The following CSNK2A2IP variants were observed in gnomAD, a reference collection of about 807,000 sequenced individuals.
CSNK2A2IP encodes the protein casein kinase 2 subunit alpha' interacting protein.
At chr3:88,403,267 G>GT in the CSNK2A2IP span, among the ~76,000 whole-genome samples, 2 of 151,970 alleles carry the variant, frequency 1.3e-5, no homozygotes, top group Admixed American at 1.3e-4. Flanking sequence ...TTTTTATTAG[G>GT]TTTTTTGTTC....
the CSNK2A2IP span, among the ~76,000 whole-genome samples, chr3:88,458,141 GTTTTTTTTT>G: frequency 1.6e-4 from 13 of 83,300 alleles, no homozygotes; most frequent in Admixed American, 4.4e-4. Flanking sequence ...TGTAATTGTG[GTTTTTTTTT>G]TTTTTTTTTT....
chr3:88,349,413 G>A, the CSNK2A2IP span, among the ~76,000 whole-genome samples: 13 of 152,078 alleles, frequency 8.5e-5, no homozygotes, highest in East Asian at 1.2e-3. Flanking sequence ...GATTTACTTC[G>A]CTTAGAATAA....
chr3:88,456,549 T>A, the CSNK2A2IP span, among the ~76,000 whole-genome samples: 1 of 152,086 alleles, frequency 6.6e-6, no homozygotes, highest in African/African-American at 2.4e-5. Context: ...TTATTTTGTA[T>A]CCTACAACTT....
the CSNK2A2IP span, among the ~76,000 whole-genome samples, chr3:88,368,033 G>C: frequency 6.6e-6 from 1 of 151,962 alleles, no homozygotes; most frequent in Non-Finnish European, 1.5e-5. Flanking sequence ...AAAAGTATGA[G>C]CTAAACAATG....
chr3:88,369,908 T>A, the CSNK2A2IP span, among the ~76,000 whole-genome samples: 2 of 151,912 alleles, frequency 1.3e-5, no homozygotes, highest in East Asian at 3.9e-4. Context: ...CCTTTAAATC[T>A]GAGCGTAAAC....
chr3:88,358,348 G>A, the CSNK2A2IP span, among the ~76,000 whole-genome samples: 14 of 151,682 alleles, frequency 9.2e-5, no homozygotes, highest in Non-Finnish European at 1.0e-4. Flanking sequence ...TAATTACTTC[G>A]GCTAAGACTT....
the CSNK2A2IP span, among the ~76,000 whole-genome samples, chr3:88,422,642 A>G: frequency 6.6e-6 from 1 of 152,174 alleles, no homozygotes; most frequent in African/African-American, 2.4e-5. Flanking sequence ...CTGATGGTAT[A>G]GTTTCATTGT....
the CSNK2A2IP span, among the ~76,000 whole-genome samples, chr3:88,406,123 A>C: frequency 6.6e-6 from 1 of 152,180 alleles, no homozygotes. Flanking sequence ...ATATATAAAC[A>C]ATTCAAATAG....
At chr3:88,413,308 C>A in the CSNK2A2IP span, among the ~76,000 whole-genome samples, 4 of 151,796 alleles carry the variant, frequency 2.6e-5, no homozygotes, top group Admixed American at 6.6e-5. Flanking sequence ...GAGTCAGTAT[C>A]AAGAAAGACC....
the CSNK2A2IP span, among the ~76,000 whole-genome samples, chr3:88,426,898 G>A: frequency 6.7e-6 from 1 of 149,060 alleles, no homozygotes; most frequent in Non-Finnish European, 1.5e-5. Flanking sequence ...ATGGGGGGGG[G>A]CGGTGGGGTG....
chr3:88,425,876 C>T, the CSNK2A2IP span, among the ~76,000 whole-genome samples: 3 of 152,094 alleles, frequency 2.0e-5, no homozygotes, highest in South Asian at 2.1e-4. Flanking sequence ...ATGTTGCTGG[C>T]GGTAGTAGGC....
chr3:88,379,208 G>C, the CSNK2A2IP span, among the ~76,000 whole-genome samples: 1 of 151,924 alleles, frequency 6.6e-6, no homozygotes, highest in Non-Finnish European at 1.5e-5. Context: ...TTTGCACATG[G>C]AAAGCTCCCC....
chr3:88,350,490 A>C, the CSNK2A2IP span, among the ~76,000 whole-genome samples: 4 of 151,968 alleles, frequency 2.6e-5, no homozygotes, highest in Non-Finnish European at 2.9e-5. Flanking sequence ...AGGGGGAGAA[A>C]AGATGAGAGG....
chr3:88,384,960 G>T, the CSNK2A2IP span, among the ~76,000 whole-genome samples: 2 of 152,158 alleles, frequency 1.3e-5, no homozygotes, highest in Non-Finnish European at 2.9e-5. Context: ...AATTATTTTT[G>T]AGATGACATA....
chr3:88,462,613 T>C, the CSNK2A2IP span, among the ~76,000 whole-genome samples: 1 of 152,202 alleles, frequency 6.6e-6, no homozygotes, highest in South Asian at 2.1e-4. Context: ...AAACAGTGAA[T>C]TAAGATATGG....
the CSNK2A2IP span, among the ~76,000 whole-genome samples, chr3:88,368,873 C>T: frequency 6.6e-6 from 1 of 152,138 alleles, no homozygotes; most frequent in South Asian, 2.1e-4. Flanking sequence ...CAGAAAGTCT[C>T]TTGGAAGAGT....
chr3:88,426,370 A>C, the CSNK2A2IP span, among the ~76,000 whole-genome samples: 1 of 152,348 alleles, frequency 6.6e-6, no homozygotes, highest in African/African-American at 2.4e-5. Flanking sequence ...TCCAGGAACT[A>C]GCAATCAATA....
the CSNK2A2IP span, chr3:88,466,336 A>T: frequency 1.1e-5 from 14 of 1,231,692 alleles, no homozygotes; most frequent in African/African-American, 2.0e-4. Flanking sequence ...GTCAATGTTT[A>T]TGCTTGATTG....
the CSNK2A2IP span, chr3:88,343,134 A>G: frequency 6.6e-6 from 1 of 152,088 alleles, no homozygotes; most frequent in Non-Finnish European, 1.5e-5. Context: ...TCCCTTAACC[A>G]ACCCCTTCAT....
Sources: gnomAD v4.1 joint callset for allele counts (sites outside exome capture counted in the v4.1 genomes callset) on GRCh38, gnomAD v4.1.1 for gene constraint, MANE v1.5 for transcripts, NCBI Gene and HGNC (gene_info 2026-07-23, HGNC 2026-07-21) for gene names.